Variants in PTPRO observed in about 807,000 individuals in gnomAD.
The protein encoded by PTPRO is receptor-type tyrosine-protein phosphatase O.
A neutral mutation model predicts 145.2 loss-of-function variants in PTPRO; 62 were observed. The ratio of observed to expected loss-of-function variants is 0.43; its 90% CI spans 0.35 to 0.53. The LOEUF is 0.53. PTPRO is among the 20% of genes least tolerant of loss of function. The probability of loss-of-function intolerance (pLI) is 0.01; values close to 1 mark genes in which losing one functional copy is unlikely to be tolerated. For missense variants in PTPRO, 1,345 were observed against 1,482.7 expected (o/e 0.91, Z 1.53); for synonymous variants, 565 against 514.7 (o/e 1.10, Z -1.32).
chr12:15,330,669 C>T (rs1383789596), intron 1 of PTPRO, among the ~76,000 whole-genome samples: 1 of 152,222 alleles, frequency 6.6e-6, no homozygotes, highest in Non-Finnish European at 1.5e-5. Flanking sequence ...GCTTCATTCT[C>T]TCTTCCAGTT....
At chr12:15,492,276 A>G (rs920371062) in intron 2 of PTPRO, among the ~76,000 whole-genome samples, 2 of 152,226 alleles carry the variant, frequency 1.3e-5, no homozygotes, top group Non-Finnish European at 2.9e-5. Flanking sequence ...ATGCTAAAAA[A>G]GATAGATATC....
intron 12 of PTPRO, among the ~76,000 whole-genome samples, chr12:15,540,916 G>C (rs750229255): frequency 6.6e-6 from 1 of 152,140 alleles, no homozygotes; most frequent in Non-Finnish European, 1.5e-5. Flanking sequence ...GTCCAAACCC[G>C]GAGAGGCATG....
At chr12:15,416,509 C>T (rs557346511) in intron 1 of PTPRO, among the ~76,000 whole-genome samples, 3 of 151,218 alleles carry the variant, frequency 2.0e-5, no homozygotes, top group Non-Finnish European at 1.5e-5. Context: ...TTAGTAGAGA[C>T]GGGGTTTCAC....
chr12:15,415,046 C>T (rs58035042), intron 1 of PTPRO, among the ~76,000 whole-genome samples: 4,597 of 152,220 alleles, frequency 0.03, 247 homozygotes, highest in African/African-American at 0.1. Flanking sequence ...ATGCATGGGA[C>T]GTTCTAACCA....
chr12:15,332,566 T>C (rs1432492573), intron 1 of PTPRO, among the ~76,000 whole-genome samples: 2 of 152,252 alleles, frequency 1.3e-5, no homozygotes, highest in Admixed American at 1.3e-4. Context: ...GTAATTATCT[T>C]AATATATAGC....
chr12:15,385,122 T>G (rs1938981704), intron 1 of PTPRO, among the ~76,000 whole-genome samples: 1 of 152,200 alleles, frequency 6.6e-6, no homozygotes, highest in Non-Finnish European at 1.5e-5. Flanking sequence ...ATTTAGTCAA[T>G]TCAACAATTT....
At position 15,408,090 on chromosome 12, in the gene PTPRO, A is replaced by G. The variant is rs146266595; in HGVS notation, c.76-75884A>G. Among the ~76,000 whole-genome samples, 10 of 152,272 alleles carry G rather than the reference A, an allele frequency of 6.6e-5. No individual in the cohort carries two copies. In the East Asian group the frequency reaches 1.7e-3, roughly 26 times the overall value. On this transcript the variant is annotated intron_variant, in intron 1 of 26. Coordinates refer to ENST00000281171, the MANE Select transcript of PTPRO (RefSeq NM_030667.3). ...ATACTATTGTTCTAAGAAAGAATGTATATTTTATATCTACTATATGAATCT... is the reference window on the plus strand; with the variant it reads ...ATACTATTGTTCTAAGAAAGAATGTGTATTTTATATCTACTATATGAATCT...
At chr12:15,463,921 C>T (rs1380717615) in intron 1 of PTPRO, among the ~76,000 whole-genome samples, 1 of 152,156 alleles carries the variant, frequency 6.6e-6, no homozygotes, top group East Asian at 1.9e-4. Flanking sequence ...AACATGTAGG[C>T]TGGTTATGTG....
chr12:15,516,336 CAAA>C (rs548537781), intron 8 of PTPRO, among the ~76,000 whole-genome samples: 3 of 62,522 alleles, frequency 4.8e-5, no homozygotes, highest in Non-Finnish European at 6.4e-5. Flanking sequence ...GACCCTGTCT[CAAA>C]AAAAAAAAAA....
chr12:15,580,591 C>A, intron 21 of PTPRO, 106 bp from the exon 22 acceptor site: 1 of 1,411,058 alleles, frequency 7.1e-7, no homozygotes, highest in South Asian at 1.2e-5. Context: ...TGATCCTTTG[C>A]CAATTTTATC....
intron 24 of PTPRO, 77 bp from the exon 25 acceptor site, chr12:15,589,375 CAAA>C: frequency 6.8e-7 from 1 of 1,479,112 alleles, no homozygotes; most frequent in Non-Finnish European, 9.0e-7. Flanking sequence ...GACTCCATCT[CAAA>C]GAAAAAAAAA....
chr12:15,578,633 C>A (rs1265536956), intron 19 of PTPRO, among the ~76,000 whole-genome samples: 1 of 152,146 alleles, frequency 6.6e-6, no homozygotes, highest in African/African-American at 2.4e-5. Flanking sequence ...GAGGGCAAAC[C>A]AAACAAGCAA....
rs1257767117 is a variant in PTPRO, at chr12:15,580,783, A to G, written c.3084A>G (p.Gln1028=). 4.3e-6 allele frequency: 7 copies of G among 1,613,914 alleles called. No homozygotes were observed. The highest frequency in any genetic ancestry group is 5.1e-6 in the Non-Finnish European group (6 of 1,179,944). The change falls in exon 22 of 27, where the codon CAA becomes CAG. Residue 1028 remains glutamine, a synonymous_variant. Transcript: ENST00000281171. ...ACTTCTGGAAGATGGTCCTGCAACA[A>G]AAGTCTCAGATTATTGTCATGCTCA... is the stretch of plus-strand genomic sequence containing the variant. ...RNDFWKMVLQ[Q]KSQIIVMLTQ... is the part of the protein sequence containing the mutation.
At chr12:15,394,470 T>A (rs1939280983) in intron 1 of PTPRO, among the ~76,000 whole-genome samples, 1 of 152,148 alleles carries the variant, frequency 6.6e-6, no homozygotes, top group Non-Finnish European at 1.5e-5. Context: ...ACCTTCAACT[T>A]GTAATTTGTA....
intron 12 of PTPRO, among the ~76,000 whole-genome samples, chr12:15,528,077 C>T (rs188226542): frequency 7.9e-5 from 12 of 151,976 alleles, no homozygotes; most frequent in East Asian, 1.9e-4. Context: ...CTGGAAAATA[C>T]GTTTGCTGAA....
intron 1 of PTPRO, among the ~76,000 whole-genome samples, chr12:15,338,817 AATGG>A (rs1866862540): frequency 6.6e-6 from 1 of 152,170 alleles, no homozygotes; most frequent in Non-Finnish European, 1.5e-5. Flanking sequence ...AGAGGAAAAG[AATGG>A]ATGAAGTATT....
chr12:15,516,649 G>A (rs1942605238), intron 8 of PTPRO, 114 bp from the exon 9 acceptor site: 2 of 885,910 alleles, frequency 2.3e-6, no homozygotes, highest in East Asian at 2.4e-5. Context: ...GAGGGAGGGA[G>A]GTAGGTATTG....
At chr12:15,499,145 A>G (rs1942166870) in intron 3 of PTPRO, among the ~76,000 whole-genome samples, 1 of 152,118 alleles carries the variant, frequency 6.6e-6, no homozygotes, top group South Asian at 2.1e-4. Flanking sequence ...AACCTCTACA[A>G]TTTCTTTATA....
chr12:15,368,250 A>G (rs75003258), intron 1 of PTPRO, among the ~76,000 whole-genome samples: 3,676 of 152,064 alleles, frequency 0.024, 148 homozygotes, highest in African/African-American at 0.084. Flanking sequence ...TGGCATTCCC[A>G]TCCTCACCAC....
Sources: allele counts gnomAD v4.1 joint callset (sites outside exome capture counted in the v4.1 genomes callset), GRCh38; gene constraint gnomAD v4.1.1; transcripts MANE v1.5; gene names NCBI Gene and HGNC (gene_info 2026-07-23, HGNC 2026-07-21).